LRP2: variants seen among roughly 807,000 people sequenced by gnomAD.
The protein encoded by LRP2 is low-density lipoprotein receptor-related protein 2.
In LRP2, 172 loss-of-function variants were observed where a neutral mutation model predicts 531.0. The ratio of observed to expected loss-of-function variants is 0.32; its 90% CI spans 0.29 to 0.37. LRP2 has a LOEUF of 0.37. LRP2 is among the 10% of genes least tolerant of loss of function. The probability of loss-of-function intolerance (pLI) is 1.00; values close to 1 mark genes in which losing one functional copy is unlikely to be tolerated. For synonymous variants in LRP2, 1,992 were observed against 2,027.6 expected, an observed-to-expected ratio of 0.98 and a Z score of 0.47; for missense variants, 5,167 against 5,868.3, an observed-to-expected ratio of 0.88 and a Z score of 3.90.
chr2:169,166,326 C>G (rs1483706077), intron 61 of LRP2, among the ~76,000 whole-genome samples: 2 of 152,170 alleles, frequency 1.3e-5, no homozygotes, highest in African/African-American at 4.8e-5. Flanking sequence ...ATTAACCATT[C>G]AATTACAACT....
chr2:169,297,145 G>A (rs1472239288), intron 4 of LRP2, among the ~76,000 whole-genome samples: 1 of 152,154 alleles, frequency 6.6e-6, no homozygotes, highest in Non-Finnish European at 1.5e-5. Context: ...CCCACACAGA[G>A]ACAACAGGTC....
chr2:169,256,346 G>T, intron 18 of LRP2, 110 bp from the exon 19 acceptor site: 1 of 768,738 alleles, frequency 1.3e-6, no homozygotes, highest in South Asian at 2.2e-5. Context: ...ATTAAACAAA[G>T]TTTTTAAAAT....
At chr2:169,271,765 T>A in intron 15 of LRP2, 1 of 855,402 alleles carries the variant, frequency 1.2e-6, no homozygotes. Flanking sequence ...TGCATAGAGA[T>A]CTACACCAAG....
Position 169,173,901 on chromosome 2 carries a change from C to A in LRP2, c.11014+18G>T. 6.2e-7 allele frequency: 1 copy of A among 1,613,890 alleles called. No homozygotes were observed. Among genetic ancestry groups the A allele is most frequent in the South Asian group, 1.1e-5 (1 of 90,950 alleles). ...CTCCCTGCTCTGGTCATGCCTTGGTCCTCCCACAGGAACTTACTGCATTCT... is the reference window on the plus strand; with the variant it reads ...CTCCCTGCTCTGGTCATGCCTTGGTACTCCCACAGGAACTTACTGCATTCT... On this transcript the variant is annotated intron_variant, in intron 56 of 78. Transcript: ENST00000649046.
At chr2:169,184,070 G>A (rs1286895019) in intron 50 of LRP2, among the ~76,000 whole-genome samples, 3 of 151,926 alleles carry the variant, frequency 2.0e-5, no homozygotes, top group South Asian at 2.1e-4. Context: ...AGAACACACC[G>A]AGATAGAGAG....
intron 8 of LRP2, among the ~76,000 whole-genome samples, chr2:169,289,608 G>A (rs1004341437): frequency 1.3e-5 from 2 of 151,930 alleles, no homozygotes; most frequent in Non-Finnish European, 2.9e-5. Flanking sequence ...ATAACTATGT[G>A]CAAGTATAAG....
In LRP2 at chr2:169,203,994, T is replaced by C; in HGVS notation, c.7993A>G (p.Ile2665Val). 5 of 1,614,220 alleles carry C rather than the reference T, an allele frequency of 3.1e-6. No individual in the cohort carries two copies. The highest frequency in any genetic ancestry group is 4.2e-6 in the Non-Finnish European group (5 of 1,180,028). Residue 2665 changes from isoleucine to valine, a missense_variant, in exon 42 of 79, where the codon ATC (isoleucine) becomes GTC (valine). Physicochemically the swap from Ile to Val is conservative, Grantham distance 29. Coordinates refer to ENST00000649046, the MANE Select transcript of LRP2 (RefSeq NM_004525.3). ...CEQFNGGCSH[I>V]CAPGPNGAEC... ...GTCAGTGCCTTACCTGGTGCACAGA[T>C]ATGGCTGCAGCCCCCATTAAACTGT...
intron 29 of LRP2, 101 bp from the exon 30 acceptor site, chr2:169,233,689 A>C (rs1223259701): frequency 1.9e-6 from 2 of 1,034,122 alleles, no homozygotes; most frequent in Non-Finnish European, 3.0e-6. Context: ...TTCCTTTAAC[A>C]TGTCATTATT....
At chr2:169,284,261 T>C (rs1322411349) in intron 9 of LRP2, among the ~76,000 whole-genome samples, 1,792 of 120,038 alleles carry the variant, frequency 0.015, 86 homozygotes, top group African/African-American at 0.055. Context: ...TTTTTCTTTT[T>C]TTTTTTTTTT....
intron 13 of LRP2, among the ~76,000 whole-genome samples, chr2:169,275,598 A>G (rs1174248101): frequency 1.3e-5 from 2 of 152,180 alleles, no homozygotes; most frequent in Non-Finnish European, 2.9e-5. Flanking sequence ...CCATAAGTGA[A>G]AGAGTATACC....
chr2:169,207,025 C>T lies in LRP2; in HGVS notation c.6695G>A (p.Gly2232Asp), dbSNP rs1688418651. 11 of 1,614,198 alleles carry T rather than the reference C, an allele frequency of 6.8e-6. No individual in the cohort carries two copies. The highest frequency in any genetic ancestry group is 9.3e-6 in the Non-Finnish European group (11 of 1,180,030). The change falls in exon 39 of 79, where the codon GGC becomes GAC. Residue 2232 changes from glycine (G) to aspartate (D), a missense_variant. Around this residue, in one of 6 missense-constraint regions of LRP2, gnomAD observed 2,811 missense variants for 3,058.0 expected, o/e 0.92. Coordinates refer to ENST00000649046, the MANE Select transcript of LRP2 (RefSeq NM_004525.3). ...TGCCAAGCCCCGTGGTGTGACAATG[C>T]CCTCTGACACAAGCACTGTTCGATT... is the stretch of plus-strand genomic sequence containing the variant. ...CTNRTVLVSE[G>D]IVTPRGLAVD...
intron 76 of LRP2, among the ~76,000 whole-genome samples, chr2:169,133,514 T>G (rs956750528): frequency 3.3e-5 from 5 of 152,228 alleles, no homozygotes; most frequent in Non-Finnish European, 5.9e-5. Context: ...ACATTTCCGA[T>G]CTTAAAATCA....
At position 169,277,856 on chromosome 2, in the gene LRP2, G is replaced by T. The variant is rs764486527; in HGVS notation, c.1661C>A (p.Thr554Lys). 5 of 1,614,110 alleles carry T rather than the reference G, an allele frequency of 3.1e-6. No individual in the cohort carries two copies. The East Asian group carries it at 1.1e-4, about 36-fold the overall frequency. The change falls in exon 13 of 79, where the codon ACA becomes AAA. Residue 554 changes from threonine to lysine, a missense_variant. Thr to Lys is a moderately conservative substitution (Grantham distance 78). Coordinates refer to ENST00000649046, the MANE Select transcript of LRP2 (RefSeq NM_004525.3). ...TACCCCAGCAGGCCATCCCAGCTTT[G>T]TTTTCACCAAGTCTTTACGGTTGCT... ...DGSNRKDLVK[T>K]KLGWPAGVTL...
intron 1 of LRP2, among the ~76,000 whole-genome samples, chr2:169,352,313 AG>A (rs889778979): frequency 1.4e-4 from 21 of 152,362 alleles, no homozygotes; most frequent in African/African-American, 5.1e-4. Flanking sequence ...TGGCCAAAAA[AG>A]GAGGTGGCCA....
At chr2:169,334,615 G>A (rs1179383344) in intron 1 of LRP2, among the ~76,000 whole-genome samples, 1 of 152,176 alleles carries the variant, frequency 6.6e-6, no homozygotes, top group Non-Finnish European at 1.5e-5. Flanking sequence ...GAGATGCATG[G>A]CTTTCAACTC....
intron 1 of LRP2, among the ~76,000 whole-genome samples, chr2:169,353,092 T>A (rs1685896146): frequency 6.6e-6 from 1 of 152,062 alleles, no homozygotes; most frequent in Non-Finnish European, 1.5e-5. Flanking sequence ...TTAGTAAGGG[T>A]GAGTTTTGAT....
At chr2:169,291,133 A>T in intron 7 of LRP2, 136 bp from the exon 8 acceptor site, 1 of 745,702 alleles carries the variant, frequency 1.3e-6, no homozygotes, top group East Asian at 2.6e-5. Flanking sequence ...ACAATAAGTT[A>T]GTGATTTCTA....
chr2:169,355,575 G>C (rs1685966574), intron 1 of LRP2, among the ~76,000 whole-genome samples: 1 of 152,180 alleles, frequency 6.6e-6, no homozygotes. Context: ...GACCTAAGTA[G>C]AGACCCTGAG....
intron 1 of LRP2, among the ~76,000 whole-genome samples, chr2:169,329,536 T>A (rs1685208722): frequency 6.6e-6 from 1 of 152,148 alleles, no homozygotes; most frequent in African/African-American, 2.4e-5. Context: ...GCCTGTCAAA[T>A]GAGTATGAGG....
Sources: allele counts gnomAD v4.1 joint callset (sites outside exome capture counted in the v4.1 genomes callset), GRCh38; gene constraint gnomAD v4.1.1; regional missense constraint gnomAD v4.1.1; transcripts MANE v1.5; gene names NCBI Gene and HGNC (gene_info 2026-07-23, HGNC 2026-07-21).